FANCM: variants seen among roughly 807,000 people sequenced by gnomAD.
FANCM encodes Fanconi anemia group M protein.
FANCM carries 140 observed loss-of-function variants against 199.5 expected under a neutral mutation model. The ratio of observed to expected loss-of-function variants is 0.70; its 90% CI spans 0.61 to 0.81. The LOEUF is 0.81. Ranked by LOEUF, FANCM falls within the 30% of genes least tolerant of loss-of-function variation. The pLI is 0.00. For synonymous variants in FANCM, 840 were observed against 836.8 expected (o/e 1.00, Z -0.07); for missense variants, 2,410 against 2,421.4 (o/e 1.00, Z 0.10).
intron 12 of FANCM, among the ~76,000 whole-genome samples, chr14:45,172,355 C>T (rs1594794254): frequency 6.6e-6 from 1 of 152,168 alleles, no homozygotes; most frequent in Non-Finnish European, 1.5e-5. Context: ...AGAGTTTTTT[C>T]AATGTGACAG....
chr14:45,159,570 T>A (rs1887441150), intron 9 of FANCM, among the ~76,000 whole-genome samples: 3 of 152,158 alleles, frequency 2.0e-5, no homozygotes, highest in South Asian at 2.1e-4. Flanking sequence ...TTTCTTTACT[T>A]CCTCTTCCTC....
At position 45,159,179 on chromosome 14, in the gene FANCM, G is replaced by GAAATGCT. The variant is rs1328850504; in HGVS notation, c.1481_1487dup (p.Ser497AsnfsTer10). 6.2e-7 allele frequency: 1 copy of GAAATGCT among 1,613,256 alleles called. No homozygotes were observed. Among genetic ancestry groups the GAAATGCT allele is most frequent in the Non-Finnish European group, 8.5e-7 (1 of 1,179,328 alleles). On this transcript the variant is annotated frameshift_variant, in exon 9 of 23. Transcript: ENST00000267430. LOFTEE classifies it high-confidence loss of function. Reference sequence around the variant, plus strand: ...TCGAGATAGTGTTCAAGAAATTGCAGAAATGCTTTCACAGCATCAGCCAAT... The same window carrying GAAATGCT: ...TCGAGATAGTGTTCAAGAAATTGCAGAAATGCTAAATGCTTTCACAGCATCAGCCAAT...
chr14:45,160,783 C>T (rs1887548990), intron 9 of FANCM, among the ~76,000 whole-genome samples: 1 of 151,986 alleles, frequency 6.6e-6, no homozygotes, highest in South Asian at 2.1e-4. Flanking sequence ...CCTCGTGATC[C>T]GCCCGCCTCG....
At chr14:45,148,456 G>A (rs369451034) in intron 3 of FANCM, among the ~76,000 whole-genome samples, 1 of 151,960 alleles carries the variant, frequency 6.6e-6, no homozygotes, top group African/African-American at 2.4e-5. Flanking sequence ...TGATTTAAAT[G>A]GAAAATATTC....
At chr14:45,182,693 T>C (rs753673920) in intron 16 of FANCM, among the ~76,000 whole-genome samples, 8 of 152,204 alleles carry the variant, frequency 5.3e-5, no homozygotes, top group Non-Finnish European at 1.0e-4. Flanking sequence ...AATTCTCGAA[T>C]ACAGTCTAGG....
intron 3 of FANCM, among the ~76,000 whole-genome samples, chr14:45,143,883 G>A (rs1389478187): frequency 6.6e-6 from 1 of 151,444 alleles, no homozygotes; most frequent in East Asian, 1.9e-4. Flanking sequence ...TAGTGGAGAC[G>A]GGGTTTCACC....
At chr14:45,148,410 A>T (rs1886581706) in intron 3 of FANCM, among the ~76,000 whole-genome samples, 1 of 152,138 alleles carries the variant, frequency 6.6e-6, no homozygotes. Flanking sequence ...GGGTACATGA[A>T]ATTTAGTCCT....
At chr14:45,151,956 A>G (rs1279578746) in intron 5 of FANCM, among the ~76,000 whole-genome samples, 1 of 150,914 alleles carries the variant, frequency 6.6e-6, no homozygotes, top group Non-Finnish European at 1.5e-5. Context: ...TATATAGTTT[A>G]TAAAAGCATG....
rs374461604 is a variant in FANCM at position 45,176,223 on chromosome 14, G to A, written c.3469G>A (p.Glu1157Lys). ...VSLSPLNSKSESLPVSDKTAI... is the reference protein window; with the variant it reads ...VSLSPLNSKSKSLPVSDKTAI... ...TCTTTCACCCTTGAACAGTAAAAGCGAATCTTTACCTGTGTCAGACAAAAC... is the reference window on the plus strand; with the variant it reads ...TCTTTCACCCTTGAACAGTAAAAGCAAATCTTTACCTGTGTCAGACAAAAC... Residue 1157 changes from glutamate to lysine, a missense_variant, in exon 14 of 23, where the codon GAA becomes AAA. Coordinates refer to ENST00000267430, the MANE Select transcript of FANCM (RefSeq NM_020937.4). 5.6e-5 allele frequency: 90 copies of A among 1,613,876 alleles called. No homozygotes were observed. The highest frequency in any genetic ancestry group is 1.0e-4 in the Admixed American group (6 of 59,994).
chr14:45,162,020 T>TCTCATATGAGACTGTATCA lies in FANCM; in HGVS notation c.1582-2337_1582-2336insCATATGAGACTGTATCACT, dbSNP rs1441324640. Among the ~76,000 whole-genome samples the TCTCATATGAGACTGTATCA allele has an allele frequency of 5.9e-5, 9 of 152,270 alleles. No individual in the cohort carries two copies. In the East Asian group the frequency reaches 1.7e-3, roughly 29 times the overall value. On this transcript the variant is annotated intron_variant, in intron 9 of 22. Coordinates refer to ENST00000267430, the MANE Select transcript of FANCM (RefSeq NM_020937.4). ...GGATATGAGATAAAGGCATATGAAG[T>TCTCATATGAGACTGTATCA]CTGACTGTAGGATGACTCCAAGGTT...
At chr14:45,150,472 A>G (rs1198966676) in intron 4 of FANCM, among the ~76,000 whole-genome samples, 1 of 152,226 alleles carries the variant, frequency 6.6e-6, no homozygotes, top group East Asian at 1.9e-4. Context: ...TTTAGAAAAT[A>G]CAAATTAGGC....
At chr14:45,147,839 C>T (rs1050698346) in intron 3 of FANCM, among the ~76,000 whole-genome samples, 2 of 145,452 alleles carry the variant, frequency 1.4e-5, no homozygotes, top group African/African-American at 5.1e-5. Context: ...GTTGCAATAA[C>T]CTGAGATAGA....
chr14:45,144,499 AC>A (rs909903025), intron 3 of FANCM, among the ~76,000 whole-genome samples: 4 of 152,092 alleles, frequency 2.6e-5, no homozygotes, highest in African/African-American at 9.7e-5. Context: ...AGAGTCAGAA[AC>A]CTTAGAAATC....
intron 3 of FANCM, among the ~76,000 whole-genome samples, chr14:45,147,208 GC>G (rs1428901428): frequency 6.6e-6 from 1 of 152,090 alleles, no homozygotes; most frequent in Admixed American, 6.5e-5. Flanking sequence ...TGGGCACTGC[GC>G]CAGGTATTGG....
chr14:45,191,584 T>C (rs542221575), intron 20 of FANCM, among the ~76,000 whole-genome samples: 1 of 151,812 alleles, frequency 6.6e-6, no homozygotes, highest in East Asian at 1.9e-4. Flanking sequence ...AACTAAAAAA[T>C]AGATATAGGA....
intron 13 of FANCM, 29 bp downstream of exon 13, chr14:45,173,239 T>C (rs1888456369): frequency 1.5e-5 from 24 of 1,598,624 alleles, no homozygotes; most frequent in Non-Finnish European, 2.0e-5. Context: ...TTTCTCTTGC[T>C]GGTATGATAG....
At chr14:45,194,410 C>T (rs946021781) in intron 20 of FANCM, among the ~76,000 whole-genome samples, 19 of 151,844 alleles carry the variant, frequency 1.3e-4, no homozygotes, top group African/African-American at 4.1e-4. Context: ...CTACATACTT[C>T]GCTTTGTTTA....
chr14:45,171,325 AT>A (rs112412744), intron 12 of FANCM, among the ~76,000 whole-genome samples: 13 of 148,598 alleles, frequency 8.7e-5, no homozygotes, highest in South Asian at 6.4e-4. Flanking sequence ...CTTGTAAACC[AT>A]TTTTTTTTTA....
At chr14:45,193,727 A>C (rs1338974217) in intron 20 of FANCM, among the ~76,000 whole-genome samples, 1 of 150,606 alleles carries the variant, frequency 6.6e-6, no homozygotes, top group African/African-American at 2.4e-5. Context: ...CTTTATAGAA[A>C]TTTTGAAGTT....
Sources: allele counts gnomAD v4.1 joint callset (sites outside exome capture counted in the v4.1 genomes callset), GRCh38; gene constraint gnomAD v4.1.1; transcripts MANE v1.5; gene names NCBI Gene and HGNC (gene_info 2026-07-23, HGNC 2026-07-21).